Variants in PCDH11X observed in about 807,000 individuals in gnomAD.
PCDH11X encodes the protein protocadherin 11 X-linked.
PCDH11X carries 18 observed loss-of-function variants against 53.3 expected under a neutral mutation model. That is an observed-to-expected ratio of 0.34 (90% CI 0.23 to 0.50). The LOEUF (loss-of-function observed/expected upper bound fraction) is 0.50, where lower values mean the gene tolerates loss of function less well. Ranked by LOEUF, PCDH11X falls within the 20% of genes least tolerant of loss-of-function variation. The pLI is 0.98. For missense variants in PCDH11X, 570 were observed against 1,032.4 expected (o/e 0.55, Z 6.14); for synonymous variants, 279 against 393.3 (o/e 0.71, Z 3.44).
intron 8 of PCDH11X, among the ~76,000 whole-genome samples, chrX:92,350,518 C>T (rs2070018872): frequency 9.0e-6 from 1 of 111,562 alleles, no homozygotes. Flanking sequence ...ACCCACCCAG[C>T]TAGGAGTAGG....
At chrX:92,175,447 G>A (rs2065890279) in intron 6 of PCDH11X, among the ~76,000 whole-genome samples, 1 of 110,685 alleles carries the variant, frequency 9.0e-6, no homozygotes, top group South Asian at 3.8e-4. Flanking sequence ...AACATAATTT[G>A]AGATGAGTAA....
intron 1 of PCDH11X, among the ~76,000 whole-genome samples, chrX:91,793,644 G>A (rs190178644): frequency 3.9e-4 from 44 of 111,684 alleles, no homozygotes; most frequent in Middle Eastern, 4.7e-3. Flanking sequence ...TCAAGGGATT[G>A]TCTTCTCTGT....
intron 8 of PCDH11X, among the ~76,000 whole-genome samples, chrX:92,292,246 AT>A (rs775131906): frequency 8.9e-6 from 1 of 112,491 alleles, no homozygotes; most frequent in Non-Finnish European, 1.9e-5. Flanking sequence ...TTGGAAAAAA[AT>A]ATTTTGAATG....
chrX:92,254,177 A>T (rs373437109), intron 7 of PCDH11X, among the ~76,000 whole-genome samples: 1 of 112,358 alleles, frequency 8.9e-6, no homozygotes, highest in East Asian at 2.8e-4. Context: ...ATCAATTGAA[A>T]TGATCATATG....
intron 8 of PCDH11X, among the ~76,000 whole-genome samples, chrX:92,294,631 G>T (rs1395939920): frequency 9.0e-6 from 1 of 110,949 alleles, no homozygotes; most frequent in Admixed American, 9.7e-5. Context: ...CATTTTAGGA[G>T]CTGTGGTCTT....
chrX:92,251,238 G>A (rs771006098), intron 7 of PCDH11X, among the ~76,000 whole-genome samples: 1 of 110,638 alleles, frequency 9.0e-6, no homozygotes, highest in South Asian at 3.8e-4. Context: ...TACGGTTCCA[G>A]AATTTATGCT....
intron 6 of PCDH11X, among the ~76,000 whole-genome samples, chrX:92,168,336 A>T (rs1350392260): frequency 9.0e-6 from 1 of 111,218 alleles, no homozygotes; most frequent in Non-Finnish European, 1.9e-5. Flanking sequence ...AAGAGGGAAG[A>T]TTACTTGAGC....
chrX:92,110,084 T>G (rs1302112217), intron 6 of PCDH11X, among the ~76,000 whole-genome samples: 1 of 112,271 alleles, frequency 8.9e-6, no homozygotes. Context: ...TATAGATTGA[T>G]TAGTCCCTAA....
intron 9 of PCDH11X, among the ~76,000 whole-genome samples, chrX:92,446,500 A>G (rs1321050925): frequency 9.0e-6 from 1 of 110,680 alleles, no homozygotes; most frequent in Non-Finnish European, 1.9e-5. Context: ...ACAAGATCTG[A>G]TGGCTTTAAA....
chrX:92,503,865 T>C (rs896192503), intron 10 of PCDH11X, among the ~76,000 whole-genome samples: 3 of 109,296 alleles, frequency 2.7e-5, no homozygotes, highest in African/African-American at 1.0e-4. Context: ...AAACTTAAAA[T>C]AAAAGTCGAA....
chrX:92,369,636 G>T (rs755382835), intron 8 of PCDH11X, among the ~76,000 whole-genome samples: 18 of 111,325 alleles, frequency 1.6e-4, no homozygotes, highest in Admixed American at 6.7e-4. Context: ...CAGGGCCCTG[G>T]TGGTATAGGC....
chrX:92,602,803 T>G (rs1926382322), intron 10 of PCDH11X, among the ~76,000 whole-genome samples: 1 of 88,795 alleles, frequency 1.1e-5, no homozygotes, highest in South Asian at 5.1e-4. Context: ...TATTCACAAT[T>G]GATGCAATAT....
At chrX:92,537,825 CTGATTTTTGTA>C (rs2074692650) in intron 10 of PCDH11X, among the ~76,000 whole-genome samples, 2 of 108,786 alleles carry the variant, frequency 1.8e-5, no homozygotes. Context: ...AGAAAGGCTA[CTGATTTTTGTA>C]TATTGATTTT....
chrX:92,220,842 A>G (rs1319890500), intron 7 of PCDH11X, among the ~76,000 whole-genome samples: 1 of 106,219 alleles, frequency 9.4e-6, no homozygotes, highest in Non-Finnish European at 1.9e-5. Flanking sequence ...AATGTGGCAC[A>G]TATACACCAT....
At chrX:92,250,681 T>A (rs1266373426) in intron 7 of PCDH11X, among the ~76,000 whole-genome samples, 1 of 107,408 alleles carries the variant, frequency 9.3e-6, no homozygotes, top group Non-Finnish European at 1.9e-5. Context: ...AAGGAATGAA[T>A]TACTGAAACA....
chrX:92,214,154 G>A (rs763742679), intron 7 of PCDH11X, among the ~76,000 whole-genome samples: 18 of 111,916 alleles, frequency 1.6e-4, no homozygotes, highest in African/African-American at 1.9e-4. Context: ...ACTTGAGAGC[G>A]GAATAAATAC....
At chrX:91,947,206 G>A (rs1280395287) in intron 6 of PCDH11X, among the ~76,000 whole-genome samples, 2 of 108,710 alleles carry the variant, frequency 1.8e-5, no homozygotes, top group African/African-American at 3.3e-5. Context: ...GTGTTGGGGG[G>A]GTGCAGCAGT....
chrX:92,477,527 C>A (rs5984962), intron 10 of PCDH11X, among the ~76,000 whole-genome samples: 583 of 38,188 alleles, frequency 0.015, 40 homozygotes, highest in African/African-American at 0.08. Flanking sequence ...CAGGGCAGGT[C>A]CAGAAATGCT....
At chrX:92,248,988 G>A (rs917551871) in intron 7 of PCDH11X, among the ~76,000 whole-genome samples, 1 of 111,439 alleles carries the variant, frequency 9.0e-6, no homozygotes, top group Non-Finnish European at 1.9e-5. Context: ...ACAGGCATGA[G>A]CCACTGTGCC....
Sources: allele counts gnomAD v4.1 joint callset (sites outside exome capture counted in the v4.1 genomes callset), GRCh38; gene constraint gnomAD v4.1.1; transcripts MANE v1.5; gene names NCBI Gene and HGNC (gene_info 2026-07-23, HGNC 2026-07-21).